The following CAMSAP2 variants were observed in gnomAD, a reference collection of about 807,000 sequenced individuals.
CAMSAP2 encodes calmodulin regulated spectrin associated protein family member 2.
A neutral mutation model predicts 146.1 loss-of-function variants in CAMSAP2; 26 were observed. The ratio of observed to expected loss-of-function variants is 0.18; its 90% CI spans 0.13 to 0.25. The LOEUF (loss-of-function observed/expected upper bound fraction) is 0.25. Among genes scored for constraint, CAMSAP2 ranks in the 10% least tolerant of loss-of-function variants. The pLI, the probability that CAMSAP2 is intolerant of heterozygous loss-of-function variation, is 1.00. For missense variants in CAMSAP2, 1,381 were observed against 1,759.3 expected, an observed-to-expected ratio of 0.78 and a Z score of 3.85; for synonymous variants, 499 against 596.6, an observed-to-expected ratio of 0.84 and a Z score of 2.38.
At chr1:200,800,374 A>G (rs1265619365) in intron 2 of CAMSAP2, among the ~76,000 whole-genome samples, 1 of 152,046 alleles carries the variant, frequency 6.6e-6, no homozygotes, top group Non-Finnish European at 1.5e-5. Context: ...TATATTTAGG[A>G]TAGTTAGTTC....
chr1:200,833,337 G>A (rs192270928), intron 6 of CAMSAP2, among the ~76,000 whole-genome samples: 1 of 152,176 alleles, frequency 6.6e-6, no homozygotes, highest in African/African-American at 2.4e-5. Context: ...GAGGTGGGCA[G>A]ATAGCTTGAG....
Position 200,832,194 on chromosome 1 carries a change from T to G in CAMSAP2, c.646-6T>G. 1 of 1,599,496 alleles carries G rather than the reference T, an allele frequency of 6.3e-7. No homozygotes were observed. Among genetic ancestry groups the G allele is most frequent in the Non-Finnish European group, 8.5e-7 (1 of 1,175,226 alleles). On this transcript the variant is annotated splice_region_variant and splice_polypyrimidine_tract_variant and intron_variant, in intron 4 of 16. Transcript: ENST00000358823. The surrounding 1 kb of genome is among the most constrained non-coding windows in gnomAD (Gnocchi z 4.2). ...TTTATTTTCATGTATTTTTTTTATA[T>G]CGTAGGCTCGTTATCGGAAAGAGCA...
At chr1:200,776,012 A>G (rs1665268927) in intron 2 of CAMSAP2, among the ~76,000 whole-genome samples, 1 of 152,072 alleles carries the variant, frequency 6.6e-6, no homozygotes, top group Non-Finnish European at 1.5e-5. Flanking sequence ...AAGAAAAATC[A>G]CTGTTTCTTG....
Position 200,839,227 on chromosome 1 carries a change from T to C in CAMSAP2, c.928-2767T>C, listed in dbSNP as rs752408025. Among the ~76,000 whole-genome samples the C allele has an allele frequency of 5.9e-5, 9 of 152,226 alleles. 1 individual carries two copies. The highest frequency in any genetic ancestry group is 1.3e-4 in the Non-Finnish European group (9 of 68,038). Reference sequence around the variant, plus strand: ...GAAATCTGTTTGATTTAGCAACATATGTACATCATTGGTGACTTGAGCAGT... The same window carrying C: ...GAAATCTGTTTGATTTAGCAACATACGTACATCATTGGTGACTTGAGCAGT... On this transcript the variant is annotated intron_variant, in intron 6 of 16. Coordinates refer to ENST00000358823, the MANE Select transcript of CAMSAP2 (RefSeq NM_203459.4).
chr1:200,806,404 A>G (rs1380465273), intron 2 of CAMSAP2, among the ~76,000 whole-genome samples: 4 of 152,234 alleles, frequency 2.6e-5, no homozygotes, highest in Admixed American at 2.0e-4. Context: ...CAGATTTTTA[A>G]AAGTGAATAA....
intron 6 of CAMSAP2, among the ~76,000 whole-genome samples, chr1:200,839,635 G>A (rs1667267857): frequency 6.6e-6 from 1 of 152,168 alleles, no homozygotes; most frequent in Non-Finnish European, 1.5e-5. Flanking sequence ...TCACTCATAA[G>A]TGGGAGCTAA....
intron 2 of CAMSAP2, among the ~76,000 whole-genome samples, chr1:200,782,237 A>G (rs1233836797): frequency 6.6e-6 from 1 of 152,196 alleles, no homozygotes; most frequent in Non-Finnish European, 1.5e-5. Flanking sequence ...CCCACATTTA[A>G]CAGATGAAGA....
At chr1:200,791,369 G>T (rs1003300207) in intron 2 of CAMSAP2, among the ~76,000 whole-genome samples, 1 of 151,972 alleles carries the variant, frequency 6.6e-6, no homozygotes, top group South Asian at 2.1e-4. Flanking sequence ...CCCCGTTGGG[G>T]ATTTTTAAAG....
chr1:200,847,578 A>C, intron 9 of CAMSAP2, 62 bp from the exon 10 acceptor site: 1 of 1,252,388 alleles, frequency 8.0e-7, no homozygotes, highest in Non-Finnish European at 1.2e-6. Context: ...GAAATCTCCT[A>C]AGTTGCTATA....
chr1:200,812,595 G>T (rs1470245751), intron 3 of CAMSAP2, among the ~76,000 whole-genome samples: 1 of 151,790 alleles, frequency 6.6e-6, no homozygotes, highest in Non-Finnish European at 1.5e-5. Flanking sequence ...GTTTTGGCTC[G>T]TCCTAACCCA....
At chr1:200,785,134 T>G (rs1665548543) in intron 2 of CAMSAP2, among the ~76,000 whole-genome samples, 1 of 152,188 alleles carries the variant, frequency 6.6e-6, no homozygotes, top group African/African-American at 2.4e-5. Context: ...ATCTCTTTTA[T>G]ATATTGTTAG....
At chr1:200,817,241 T>C (rs796520241) in intron 4 of CAMSAP2, among the ~76,000 whole-genome samples, 46 of 10,588 alleles carry the variant, frequency 4.3e-3, no homozygotes, top group African/African-American at 8.3e-3. Flanking sequence ...TATACACACA[T>C]ACACACATAT....
At chr1:200,816,667 T>C (rs1666503157) in intron 4 of CAMSAP2, among the ~76,000 whole-genome samples, 1 of 141,234 alleles carries the variant, frequency 7.1e-6, no homozygotes, top group Admixed American at 7.1e-5. Flanking sequence ...CACATACACA[T>C]GTGTATATGT....
rs555364130 is a variant in CAMSAP2, at chr1:200,739,547, G to GGGGCGC, written c.-276_-271dup. On this transcript the variant is annotated 5_prime_UTR_variant, in exon 1 of 17. Coordinates refer to ENST00000358823, the MANE Select transcript of CAMSAP2 (RefSeq NM_203459.4). This position sits in a 1 kb window ranked among gnomAD's most constrained non-coding sequence, Gnocchi z 4.8. ...GGGCTCGCGGGGCGGGTGGCTCGGA[G>GGGGCGC]GGGCGCGGGCACGGGGCGGACCTCG... is the stretch of plus-strand genomic sequence containing the variant. 2.4e-3 allele frequency: 434 copies of GGGGCGC among 177,232 alleles called. 1 individual carries two copies. The highest frequency in any genetic ancestry group is 4.1e-3 in the South Asian group (24 of 5,854). 11.0% of individuals were successfully genotyped at this position (177,232 alleles called of 1,614,324 possible).
chr1:200,822,535 TTG>T (rs1168802434), intron 4 of CAMSAP2, among the ~76,000 whole-genome samples: 2 of 152,232 alleles, frequency 1.3e-5, no homozygotes, highest in Non-Finnish European at 2.9e-5. Context: ...GCTTTGTAAA[TTG>T]TGTCCTTATC....
intron 1 of CAMSAP2, among the ~76,000 whole-genome samples, chr1:200,751,678 G>A (rs1398272060): frequency 6.6e-6 from 1 of 152,082 alleles, no homozygotes; most frequent in African/African-American, 2.4e-5. Flanking sequence ...AAGGTCACTG[G>A]TGTGTCAAAA....
intron 2 of CAMSAP2, 77 bp downstream of exon 2, chr1:200,761,175 G>T: frequency 7.6e-7 from 1 of 1,318,234 alleles, no homozygotes. Context: ...CTGTAAAACA[G>T]AGGGAAATGT....
At chr1:200,817,163 C>A (rs572838175) in intron 4 of CAMSAP2, among the ~76,000 whole-genome samples, 1 of 75,438 alleles carries the variant, frequency 1.3e-5, no homozygotes, top group Non-Finnish European at 2.4e-5. Context: ...CACATACACA[C>A]ACGTGTGTGT....
intron 4 of CAMSAP2, among the ~76,000 whole-genome samples, chr1:200,824,856 G>A (rs986988316): frequency 3.3e-5 from 5 of 152,098 alleles, no homozygotes; most frequent in Admixed American, 6.5e-5. Context: ...GCATGCGCCC[G>A]TAATCCCAGC....
Sources: gnomAD v4.1 joint callset for allele counts (sites outside exome capture counted in the v4.1 genomes callset) on GRCh38, gnomAD v4.1.1 for gene constraint, Gnocchi (gnomAD v3.1) non-coding constraint, MANE v1.5 for transcripts, NCBI Gene and HGNC (gene_info 2026-07-23, HGNC 2026-07-21) for gene names.